The following MGAM variants were observed in gnomAD, a reference collection of about 807,000 sequenced individuals.
The protein encoded by MGAM is maltase-glucoamylase, also known as alpha-1,4-glucosidase.
MGAM carries 253 observed loss-of-function variants against 358.8 expected under a neutral mutation model. The ratio of observed to expected loss-of-function variants is 0.71; its 90% CI spans 0.64 to 0.78. The LOEUF is 0.78. Ranked by LOEUF, MGAM falls within the 30% of genes least tolerant of loss-of-function variation. The pLI is 0.00. For synonymous variants in MGAM, 1,105 were observed against 1,227.1 expected, an observed-to-expected ratio of 0.90 and a Z score of 2.08; for missense variants, 3,080 against 3,432.6, an observed-to-expected ratio of 0.90 and a Z score of 2.57.
intron 21 of MGAM, among the ~76,000 whole-genome samples, chr7:142,042,036 TACATATAATATATAA>T (rs1808818136): frequency 2.3e-5 from 1 of 42,574 alleles, no homozygotes; most frequent in Non-Finnish European, 3.6e-5. Flanking sequence ...TTATATTATA[TACATATAATATATAA>T]TATATATACA....
At chr7:142,045,247 A>G (rs1190858830) in intron 21 of MGAM, among the ~76,000 whole-genome samples, 3 of 74,528 alleles carry the variant, frequency 4.0e-5, no homozygotes, top group African/African-American at 1.9e-4. Context: ...ATCATATAAT[A>G]TATGATATAT....
In MGAM at chr7:142,064,427, T is replaced by C. The variant is rs3087317; in HGVS notation, c.4389T>C (p.Cys1463=). The C allele has an allele frequency of 2.8e-4, 448 of 1,607,636 alleles. 9 individuals carry two copies. The highest frequency in any genetic ancestry group is 2.6e-3 in the South Asian group (229 of 89,294). The change falls in exon 37 of 71, where the codon TGT becomes TGC. Residue 1463 remains cysteine, a synonymous_variant. Coordinates refer to ENST00000475668, the MANE Select transcript of MGAM (RefSeq NM_001365693.1). ...GGGGCCTGAGCAGCAAGACCCTTTG[T>C]ATGGAGAGTCAGCAGATCCTCCCAG... The part of the protein sequence containing the change: ...RDRGLSSKTL[C]MESQQILPDG...
chr7:142,037,040 C>A, intron 18 of MGAM, 63 bp downstream of exon 18: 1 of 1,499,322 alleles, frequency 6.7e-7, no homozygotes, highest in South Asian at 1.2e-5. Flanking sequence ...ACTATATCAT[C>A]AAATATCAGA....
At chr7:141,998,924 T>C (rs1319995883) in intron 1 of MGAM, among the ~76,000 whole-genome samples, 1 of 152,078 alleles carries the variant, frequency 6.6e-6, no homozygotes, top group African/African-American at 2.4e-5. Flanking sequence ...TTCAGTAAGA[T>C]TATTTTCTGA....
At chr7:141,987,482 T>C (rs1803766044) in intron 2 of MGAM, among the ~76,000 whole-genome samples, 1 of 152,226 alleles carries the variant, frequency 6.6e-6, no homozygotes, top group Non-Finnish European at 1.5e-5. Context: ...CGAATCCATC[T>C]GGACGAAGTC....
chr7:142,044,923 C>G (rs1176721349), intron 21 of MGAM, among the ~76,000 whole-genome samples: 1 of 86,702 alleles, frequency 1.2e-5, no homozygotes, highest in Non-Finnish European at 2.2e-5. Flanking sequence ...ATTATATACA[C>G]GTGTAATATA....
intron 57 of MGAM, among the ~76,000 whole-genome samples, chr7:142,090,876 C>A (rs1390159111): frequency 6.8e-6 from 1 of 146,322 alleles, no homozygotes; most frequent in Admixed American, 6.9e-5. Flanking sequence ...CTAAGCTAAG[C>A]ATTGTGCAAA....
intron 2 of MGAM, 73 bp downstream of exon 2, chr7:142,005,730 TA>T: frequency 6.9e-7 from 1 of 1,456,120 alleles, no homozygotes; most frequent in South Asian, 1.3e-5. Flanking sequence ...GTCAGGAAAG[TA>T]ATGCTTTCAT....
intron 2 of MGAM, among the ~76,000 whole-genome samples, chr7:141,987,118 A>G (rs1451265122): frequency 2.0e-5 from 3 of 152,148 alleles, no homozygotes; most frequent in Admixed American, 2.0e-4. Flanking sequence ...CAGAAACAGA[A>G]ACTGGAAGTT....
rs764021582 is a variant in MGAM, at chr7:142,076,663, A to G, written c.5330A>G (p.His1777Arg). Reference protein sequence around the residue: ...LLCEFSVTQNHLEVTISQSTY... With the variant: ...LLCEFSVTQNRLEVTISQSTY... ...TTGGAGTTAATTGTTTTGCAGAACC[A>G]CTTGGAGGTGACTATTTCACAATCA... is the stretch of plus-strand genomic sequence containing the variant. Residue 1777 changes from histidine to arginine, a missense_variant, in exon 47 of 71, where the codon CAC becomes CGC. His to Arg is a conservative substitution (Grantham distance 29). This residue lies in a region of MGAM where 932 missense variants were observed against 1,198.2 expected (regional missense o/e 0.78). Coordinates refer to ENST00000475668, the MANE Select transcript of MGAM (RefSeq NM_001365693.1). 2.7e-5 allele frequency: 41 copies of G among 1,541,150 alleles called. 5 individuals are homozygous for G. The highest frequency in any genetic ancestry group is 1.3e-4 in the African/African-American group (10 of 74,424).
At position 142,052,751 on chromosome 7, in the gene MGAM, G is replaced by A. The variant is rs148040668; in HGVS notation, c.2959-33G>A. On this transcript the variant is annotated intron_variant, in intron 25 of 70. Transcript: ENST00000475668. ...TTAGAGAACTTTAAGACCACATGCT[G>A]TGCTGATCTATGACTTTGGCCTTAC... is the stretch of plus-strand genomic sequence containing the variant. 7,053 of 1,610,144 alleles carry A rather than the reference G, an allele frequency of 4.4e-3. 202 individuals carry two copies. In the Admixed American group the frequency reaches 0.051, roughly 12 times the overall value.
At chr7:142,080,256 C>T (rs1689895085) in intron 49 of MGAM, among the ~76,000 whole-genome samples, 1 of 146,408 alleles carries the variant, frequency 6.8e-6, no homozygotes, top group Non-Finnish European at 1.5e-5. Flanking sequence ...CTCTCTTACA[C>T]TTCTCATTTG....
intron 9 of MGAM, 56 bp from the exon 10 acceptor site, chr7:142,027,554 A>C: frequency 6.2e-7 from 1 of 1,600,064 alleles, no homozygotes; most frequent in Non-Finnish European, 8.5e-7. Context: ...ATGCTTCGAA[A>C]AATTTTTATT....
chr7:142,022,104 G>A (rs958989388), intron 6 of MGAM, among the ~76,000 whole-genome samples, 164 bp from the exon 7 acceptor site: 1 of 152,140 alleles, frequency 6.6e-6, no homozygotes, highest in Non-Finnish European at 1.5e-5. Context: ...TCTTCAAGGA[G>A]TCCTTATCTC....
chr7:142,103,777 A>G (rs2129068239), intron 70 of MGAM, among the ~76,000 whole-genome samples: 1 of 152,214 alleles, frequency 6.6e-6, no homozygotes, highest in Admixed American at 6.5e-5. Flanking sequence ...ACCATCAGTG[A>G]AAATTGCTTC....
chr7:142,080,848 G>A lies in MGAM; in HGVS notation c.5905G>A (p.Val1969Met), dbSNP rs7781119. The stretch of plus-strand genomic sequence containing the variant: ...TCCAGTCCCTCTGAACATACCCAGC[G>A]TGCCATCCAGCACCCCTGAGGGTCA... ...EVPVPLNIPS[V>M]PSSTPEGQLY... Residue 1969 changes from valine (V) to methionine (M), a missense_variant, in exon 50 of 71, where the codon GTG becomes ATG. By Grantham distance (21) the Val-to-Met change is conservative. This residue lies in a region of MGAM where 932 missense variants were observed against 1,198.2 expected (regional missense o/e 0.78). Transcript: ENST00000475668. The A allele has an allele frequency of 2.1e-3, 3,292 of 1,556,046 alleles. 212 individuals are homozygous for A. In the African/African-American group the frequency reaches 0.036, roughly 17 times the overall value.
At chr7:142,063,080 C>T (rs1812379834) in intron 35 of MGAM, among the ~76,000 whole-genome samples, 1 of 152,128 alleles carries the variant, frequency 6.6e-6, no homozygotes, top group Admixed American at 6.5e-5. Flanking sequence ...TGCCTATAAT[C>T]CCAGCTATTT....
At chr7:142,025,261 G>C in intron 8 of MGAM, 112 bp downstream of exon 8, 1 of 766,386 alleles carries the variant, frequency 1.3e-6, no homozygotes, top group East Asian at 2.6e-5. Flanking sequence ...CCATAGTGTA[G>C]GGAGGGCCTT....
chr7:142,085,252 T>G (rs1239663926), intron 54 of MGAM, among the ~76,000 whole-genome samples: 3 of 146,718 alleles, frequency 2.0e-5, no homozygotes, highest in African/African-American at 7.3e-5. Flanking sequence ...GTATTCTACA[T>G]TTCTCTTGTT....
Sources: gnomAD v4.1 joint callset for allele counts (sites outside exome capture counted in the v4.1 genomes callset) on GRCh38, gnomAD v4.1.1 for gene constraint, gnomAD v4.1.1 regional missense constraint, MANE v1.5 for transcripts, NCBI Gene and HGNC (gene_info 2026-07-23, HGNC 2026-07-21) for gene names.